STK32B: variants seen among roughly 807,000 people sequenced by gnomAD.
STK32B encodes serine/threonine kinase 32B.
Under a neutral mutation model 52.6 loss-of-function variants are expected in STK32B, and 43 were observed. That is an observed-to-expected ratio of 0.82 (90% CI 0.64 to 1.05). STK32B has a LOEUF of 1.05. STK32B is among the 50% of genes least tolerant of loss of function. The pLI is 0.00. For missense variants in STK32B, 621 were observed against 534.6 expected (o/e 1.16, Z -1.59); for synonymous variants, 238 against 204.3 (o/e 1.17, Z -1.41).
chr4:5,490,570 T>A (rs1024860236), intron 11 of STK32B, among the ~76,000 whole-genome samples: 2 of 152,174 alleles, frequency 1.3e-5, no homozygotes, highest in African/African-American at 2.4e-5. Flanking sequence ...TTTTTTTAAT[T>A]TTTTAAATTT....
At chr4:5,148,913 A>G (rs1717128180) in intron 2 of STK32B, among the ~76,000 whole-genome samples, 1 of 151,830 alleles carries the variant, frequency 6.6e-6, no homozygotes, top group African/African-American at 2.4e-5. Flanking sequence ...TGTTAGATGC[A>G]TACATATTTA....
At chr4:5,170,077 A>C (rs1326305249) in intron 3 of STK32B, among the ~76,000 whole-genome samples, 1 of 152,206 alleles carries the variant, frequency 6.6e-6, no homozygotes, top group East Asian at 1.9e-4. Context: ...AAAGCACAAT[A>C]AGCCATCTAA....
intron 4 of STK32B, among the ~76,000 whole-genome samples, chr4:5,359,820 T>C (rs1349669985): frequency 2.6e-5 from 4 of 151,922 alleles, no homozygotes; most frequent in Non-Finnish European, 5.9e-5. Context: ...AACATGAATA[T>C]TGGGAGAGTG....
rs1470903644 is a variant in STK32B at position 5,467,622 on chromosome 4, TTCAACAC to T, written c.1042-383_1042-377del. On this transcript the variant is annotated intron_variant, in intron 10 of 11. Transcript: ENST00000282908. This position sits in a 1 kb window ranked among gnomAD's most constrained non-coding sequence, Gnocchi z 5.8. ...TCAAGATACCTTTCAGAGGACACAA[TTCAACAC>T]ACAACACCCCCCTCCCCTATGCAAG... Among the ~76,000 whole-genome samples, 2 of 152,152 alleles carry T rather than the reference TTCAACAC, an allele frequency of 1.3e-5. No homozygotes were observed. The highest frequency in any genetic ancestry group is 2.9e-5 in the Non-Finnish European group (2 of 68,026).
intron 1 of STK32B, among the ~76,000 whole-genome samples, chr4:5,052,640 C>T (rs1741835692): frequency 6.6e-6 from 1 of 152,160 alleles, no homozygotes; most frequent in Non-Finnish European, 1.5e-5. Context: ...TTAGTCCCTT[C>T]ATCAATGAAA....
At chr4:5,463,204 A>T (rs966580180) in intron 9 of STK32B, among the ~76,000 whole-genome samples, 1 of 152,216 alleles carries the variant, frequency 6.6e-6, no homozygotes, top group African/African-American at 2.4e-5. Flanking sequence ...TGATCTGCCA[A>T]ACTCAGGGTG....
chr4:5,099,210 A>C (rs1019361702), intron 1 of STK32B, among the ~76,000 whole-genome samples: 2 of 152,084 alleles, frequency 1.3e-5, no homozygotes, highest in African/African-American at 2.4e-5. Context: ...GACCCTTACA[A>C]TTCCATGGGG....
chr4:5,067,596 C>G (rs1742473106), intron 1 of STK32B, among the ~76,000 whole-genome samples: 1 of 152,160 alleles, frequency 6.6e-6, no homozygotes, highest in South Asian at 2.1e-4. Context: ...TAAATACCTA[C>G]TATGGGCCAA....
chr4:5,406,413 T>A (rs1319977938), intron 5 of STK32B, among the ~76,000 whole-genome samples: 1 of 152,142 alleles, frequency 6.6e-6, no homozygotes, highest in Non-Finnish European at 1.5e-5. Context: ...ACAACTCCAC[T>A]AGGCAGTGCC....
chr4:5,462,163 GTGTC>G (rs1010923201), intron 9 of STK32B, among the ~76,000 whole-genome samples: 1 of 150,306 alleles, frequency 6.7e-6, no homozygotes. Context: ...ATGTGTCTGT[GTGTC>G]TGTACGTCTG....
intron 3 of STK32B, among the ~76,000 whole-genome samples, chr4:5,250,480 T>C (rs1725848183): frequency 6.6e-6 from 1 of 152,052 alleles, no homozygotes; most frequent in African/African-American, 2.4e-5. Flanking sequence ...GCTTGGCTAA[T>C]TTTTGTAGTT....
At chr4:5,418,948 G>C (rs568434369) in intron 6 of STK32B, among the ~76,000 whole-genome samples, 4 of 152,336 alleles carry the variant, frequency 2.6e-5, no homozygotes, top group African/African-American at 9.6e-5. Flanking sequence ...ACCTCCCTGA[G>C]CCCTTGGCAA....
At chr4:5,323,674 A>G (rs191268048) in intron 3 of STK32B, among the ~76,000 whole-genome samples, 65 of 152,230 alleles carry the variant, frequency 4.3e-4, no homozygotes, top group African/African-American at 1.3e-3. Context: ...GACTGACCCA[A>G]TGTGCCACAC....
intron 11 of STK32B, among the ~76,000 whole-genome samples, chr4:5,495,083 T>G (rs527913352): frequency 2.8e-4 from 42 of 152,190 alleles, no homozygotes; most frequent in African/African-American, 6.5e-4. Context: ...GGAGTATCTT[T>G]GTGGCATTCT....
intron 3 of STK32B, among the ~76,000 whole-genome samples, chr4:5,261,106 C>T (rs1726682438): frequency 1.3e-5 from 2 of 152,128 alleles, no homozygotes; most frequent in South Asian, 2.1e-4. Flanking sequence ...CCTCTCAGTA[C>T]CTCCAGCAGC....
At chr4:5,355,990 A>G (rs1734147364) in intron 4 of STK32B, among the ~76,000 whole-genome samples, 1 of 152,094 alleles carries the variant, frequency 6.6e-6, no homozygotes, top group South Asian at 2.1e-4. Context: ...CAGAGGCCAA[A>G]TGTACCCAGG....
At chr4:5,459,415 C>T (rs1011954274) in intron 8 of STK32B, among the ~76,000 whole-genome samples, 3 of 152,154 alleles carry the variant, frequency 2.0e-5, no homozygotes, top group African/African-American at 7.2e-5. Context: ...GCCCAGGGCA[C>T]CCAGCAGCTC....
chr4:5,431,752 TC>T (rs1378626580), intron 6 of STK32B, among the ~76,000 whole-genome samples: 4 of 152,192 alleles, frequency 2.6e-5, no homozygotes, highest in Non-Finnish European at 4.4e-5. Flanking sequence ...TACTAGCATC[TC>T]CCCAAAAAGA....
At chr4:5,096,861 T>A (rs1341210331) in intron 1 of STK32B, among the ~76,000 whole-genome samples, 1 of 152,222 alleles carries the variant, frequency 6.6e-6, no homozygotes, top group Non-Finnish European at 1.5e-5. Context: ...TGTTGGCCAT[T>A]TTTAAAGGAG....
Sources: allele counts gnomAD v4.1 joint callset (sites outside exome capture counted in the v4.1 genomes callset), GRCh38; gene constraint gnomAD v4.1.1; non-coding constraint Gnocchi (gnomAD v3.1); transcripts MANE v1.5; gene names NCBI Gene and HGNC (gene_info 2026-07-23, HGNC 2026-07-21).